Variants in MAPK10 observed in about 807,000 individuals in gnomAD.
MAPK10 encodes mitogen-activated protein kinase 10, also known as JNK3 alpha protein kinase.
MAPK10 carries 25 observed loss-of-function variants against 59.3 expected under a neutral mutation model. The observed-to-expected ratio is 0.42, with a 90% CI of 0.31 to 0.59. The LOEUF is 0.59. Among genes scored for constraint, MAPK10 ranks in the 20% least tolerant of loss-of-function variants. MAPK10 has a pLI of 0.15. For missense variants in MAPK10, 351 were observed against 568.9 expected, an observed-to-expected ratio of 0.62 and a Z score of 3.90; for synonymous variants, 190 against 200.5, an observed-to-expected ratio of 0.95 and a Z score of 0.44.
At chr4:86,188,659 A>C (rs918624011) in intron 3 of MAPK10, among the ~76,000 whole-genome samples, 2 of 152,098 alleles carry the variant, frequency 1.3e-5, no homozygotes, top group African/African-American at 2.4e-5. Flanking sequence ...TGTCAGATGG[A>C]TACATTGCAA....
intron 1 of MAPK10, among the ~76,000 whole-genome samples, chr4:86,397,370 A>G (rs1353388097): frequency 6.6e-6 from 1 of 152,042 alleles, no homozygotes; most frequent in East Asian, 1.9e-4. Flanking sequence ...GGATATCTCT[A>G]CTCCATGGAG....
At chr4:86,547,197 C>T (rs898907783) in intron 1 of MAPK10, among the ~76,000 whole-genome samples, 2 of 152,270 alleles carry the variant, frequency 1.3e-5, no homozygotes, top group Non-Finnish European at 2.9e-5. Flanking sequence ...GGCGCCTCCC[C>T]TGCCTGGGTT....
Position 86,084,719 on chromosome 4 carries a change from T to C in MAPK10, c.802+13805A>G, listed in dbSNP as rs144397050. On this transcript the variant is annotated intron_variant, in intron 9 of 13. Transcript: ENST00000641462. ...AATGCAGTCCCTATCAAAATACGAATGGTGTTCTTCACAGATAGAAAACAC... is the reference window on the plus strand; with the variant it reads ...AATGCAGTCCCTATCAAAATACGAACGGTGTTCTTCACAGATAGAAAACAC... Among the ~76,000 whole-genome samples, 1,075 of 144,820 alleles carry C rather than the reference T, an allele frequency of 7.4e-3. 11 individuals carry two copies. The highest frequency in any genetic ancestry group is 0.029 in the African/African-American group (1,016 of 34,534).
chr4:86,406,654 A>G (rs1744399607), intron 1 of MAPK10, among the ~76,000 whole-genome samples: 1 of 152,318 alleles, frequency 6.6e-6, no homozygotes, highest in East Asian at 1.9e-4. Flanking sequence ...ATTAACCTCT[A>G]TAGGAAAGGC....
chr4:86,405,769 C>G (rs536712802), intron 1 of MAPK10, among the ~76,000 whole-genome samples: 29 of 152,306 alleles, frequency 1.9e-4, no homozygotes, highest in African/African-American at 6.5e-4. Flanking sequence ...ATTTCCTCAT[C>G]TGTAATAAGC....
chr4:86,112,390 T>G (rs2057636503), intron 4 of MAPK10, among the ~76,000 whole-genome samples: 1 of 152,202 alleles, frequency 6.6e-6, no homozygotes, highest in Non-Finnish European at 1.5e-5. Flanking sequence ...TTTAGCTGCA[T>G]CCCAGAGGTT....
intron 2 of MAPK10, among the ~76,000 whole-genome samples, chr4:86,229,360 T>G (rs535671691): frequency 2.0e-5 from 3 of 152,338 alleles, no homozygotes; most frequent in African/African-American, 7.2e-5. Context: ...AAAGATTATA[T>G]GGCAGCAATA....
Position 86,047,173 on chromosome 4 carries a change from G to T in MAPK10, c.1111-15742C>A, listed in dbSNP as rs150066860. ...CATATGAAACCCTGACCCAGAAGCA[G>T]GTCATCTACTTATGTTTTAGTGCCA... On this transcript the variant is annotated intron_variant, in intron 11 of 13. Transcript: ENST00000641462. Among the ~76,000 whole-genome samples the T allele has an allele frequency of 1.9e-3, 285 of 152,164 alleles. 1 individual carries two copies. The highest frequency in any genetic ancestry group is 6.6e-3 in the African/African-American group (274 of 41,528).
intron 2 of MAPK10, among the ~76,000 whole-genome samples, chr4:86,296,686 T>A (rs933958172): frequency 6.6e-6 from 1 of 152,166 alleles, no homozygotes; most frequent in African/African-American, 2.4e-5. Context: ...AGACAAGGAA[T>A]CTAATCCACT....
At chr4:86,088,244 C>T (rs578144109) in intron 9 of MAPK10, among the ~76,000 whole-genome samples, 1 of 152,330 alleles carries the variant, frequency 6.6e-6, no homozygotes, top group Non-Finnish European at 1.5e-5. Context: ...TGCAGCAGCA[C>T]GATCACTGCT....
intron 2 of MAPK10, among the ~76,000 whole-genome samples, chr4:86,283,871 C>T (rs1239383348): frequency 6.6e-6 from 1 of 152,100 alleles, no homozygotes; most frequent in Non-Finnish European, 1.5e-5. Flanking sequence ...ATCTGTAGAA[C>T]ACCAGTGTCC....
intron 1 of MAPK10, among the ~76,000 whole-genome samples, chr4:86,372,928 C>CA (rs1293723045): frequency 1.3e-5 from 2 of 151,910 alleles, no homozygotes; most frequent in South Asian, 2.1e-4. Flanking sequence ...CATGTGGAAC[C>CA]AAAAAAGAGT....
At chr4:86,375,057 T>C (rs1438294912) in intron 1 of MAPK10, among the ~76,000 whole-genome samples, 1 of 152,184 alleles carries the variant, frequency 6.6e-6, no homozygotes, top group Admixed American at 6.5e-5. Flanking sequence ...GACACAGACA[T>C]GAATGATTAT....
At chr4:86,378,411 G>A (rs113795054) in intron 1 of MAPK10, among the ~76,000 whole-genome samples, 2,439 of 152,166 alleles carry the variant, frequency 0.016, 79 homozygotes, top group African/African-American at 0.055. Flanking sequence ...AGGACTTTTT[G>A]ACAAGCCTGT....
chr4:86,069,921 T>G (rs2148998556), intron 9 of MAPK10, among the ~76,000 whole-genome samples: 1 of 152,064 alleles, frequency 6.6e-6, no homozygotes, highest in East Asian at 1.9e-4. Context: ...CAAAAAAAAC[T>G]GATACTTTTA....
intron 13 of MAPK10, chr4:86,020,568 C>G (rs1051282780): frequency 1.8e-5 from 3 of 168,060 alleles, no homozygotes; most frequent in African/African-American, 7.2e-5. Context: ...AGCCGCGGAC[C>G]CTCGCGGTGA....
chr4:86,310,123 C>A (rs1159583227), intron 2 of MAPK10, among the ~76,000 whole-genome samples: 1 of 152,158 alleles, frequency 6.6e-6, no homozygotes, highest in African/African-American at 2.4e-5. Flanking sequence ...GCTCCCTCCC[C>A]CTTTTCTAGA....
chr4:86,496,927 C>T (rs1038495443), intron 1 of MAPK10, among the ~76,000 whole-genome samples: 4 of 152,124 alleles, frequency 2.6e-5, no homozygotes, highest in African/African-American at 7.2e-5. Flanking sequence ...GCTAAAATGT[C>T]GGCACTAACT....
intron 2 of MAPK10, among the ~76,000 whole-genome samples, chr4:86,337,722 C>T (rs1379150761): frequency 6.6e-6 from 1 of 152,196 alleles, no homozygotes; most frequent in African/African-American, 2.4e-5. Context: ...ATGTTGCTTG[C>T]TAATTCCCTG....
Sources: allele counts gnomAD v4.1 joint callset (sites outside exome capture counted in the v4.1 genomes callset), GRCh38; gene constraint gnomAD v4.1.1; transcripts MANE v1.5; gene names NCBI Gene and HGNC (gene_info 2026-07-23, HGNC 2026-07-21).